The following TAF4 variants were observed in gnomAD, a reference collection of about 807,000 sequenced individuals.
The protein encoded by TAF4 is transcription initiation factor TFIID subunit 4.
In TAF4, 9 loss-of-function variants were observed where a neutral mutation model predicts 90.3. The ratio of observed to expected loss-of-function variants is 0.10; its 90% CI spans 0.06 to 0.17. The LOEUF (loss-of-function observed/expected upper bound fraction) is 0.17, where lower values mean the gene tolerates loss of function less well. TAF4 is among the 10% of genes least tolerant of loss of function. TAF4 has a pLI of 1.00. For synonymous variants in TAF4, 818 were observed against 638.9 expected (o/e 1.28, Z -4.23); for missense variants, 1,351 against 1,370.7 (o/e 0.99, Z 0.23).
At chr20:62,038,782 G>A (rs2055947896) in intron 1 of TAF4, among the ~76,000 whole-genome samples, 1 of 152,204 alleles carries the variant, frequency 6.6e-6, no homozygotes, top group Non-Finnish European at 1.5e-5. Context: ...GCCAGGCCCA[G>A]TGGCTCACAC....
chr20:62,045,196 G>A (rs958473567), intron 1 of TAF4, among the ~76,000 whole-genome samples: 23 of 152,296 alleles, frequency 1.5e-4, no homozygotes, highest in African/African-American at 5.5e-4. Context: ...GAATCCCATC[G>A]GGATGCTCCC....
At chr20:62,034,285 T>A (rs2055920281) in intron 1 of TAF4, among the ~76,000 whole-genome samples, 1 of 152,224 alleles carries the variant, frequency 6.6e-6, no homozygotes, top group South Asian at 2.1e-4. Flanking sequence ...AAAATTCAAC[T>A]GCGATTCAAC....
chr20:62,063,652 G>A (rs2056103039), intron 1 of TAF4, among the ~76,000 whole-genome samples: 1 of 152,202 alleles, frequency 6.6e-6, no homozygotes, highest in South Asian at 2.1e-4. Context: ...GAGAACATCT[G>A]CTGCCACCGC....
At chr20:61,988,796 G>A (rs971358759) in intron 14 of TAF4, among the ~76,000 whole-genome samples, 2 of 152,102 alleles carry the variant, frequency 1.3e-5, no homozygotes, top group Non-Finnish European at 2.9e-5. Context: ...CTCCAGGTCC[G>A]GCGTTCTCGA....
chr20:62,033,629 C>T (rs1318320677), intron 1 of TAF4, among the ~76,000 whole-genome samples: 1 of 151,424 alleles, frequency 6.6e-6, no homozygotes, highest in East Asian at 1.9e-4. Context: ...CCCAGCTACT[C>T]GGGAGGCTGA....
In TAF4 at chr20:62,064,693, A is replaced by ATGCTGGCCGCCG. The variant is rs948510646; in HGVS notation, c.1106_1117dup (p.Thr369_Ser372dup). On this transcript the variant is annotated inframe_insertion, in exon 1 of 15. Coordinates refer to ENST00000252996, the MANE Select transcript of TAF4 (RefSeq NM_003185.4). The stretch of plus-strand genomic sequence containing the variant: ...CCCTTGCATAGTTGGCCCGATGACC[A>ATGCTGGCCGCCG]TGCTGGCCGCCGTGCTGGCCGGGCC... 8.0e-7 allele frequency: 1 copy of ATGCTGGCCGCCG among 1,254,964 alleles called. No homozygotes were observed. The highest frequency in any genetic ancestry group is 1.6e-5 in the African/African-American group (1 of 62,064). 77.7% of individuals were successfully genotyped at this position (1,254,964 alleles called of 1,614,324 possible).
At chr20:61,997,412 A>C in intron 14 of TAF4, 138 bp downstream of exon 14, 1 of 1,130,896 alleles carries the variant, frequency 8.8e-7, no homozygotes, top group Non-Finnish European at 1.2e-6. Context: ...CGTAAAACAA[A>C]TACTCCAGAA....
chr20:62,062,002 C>T (rs769693744), intron 1 of TAF4, among the ~76,000 whole-genome samples: 1 of 152,196 alleles, frequency 6.6e-6, no homozygotes, highest in African/African-American at 2.4e-5. Flanking sequence ...CACCCAAGAC[C>T]TCCACGGAGG....
At chr20:61,978,788 A>T (rs558107946) in intron 14 of TAF4, 1 of 153,800 alleles carries the variant, frequency 6.5e-6, no homozygotes, top group Non-Finnish European at 1.5e-5. Context: ...ACGCTGAGAA[A>T]CTGATGCCAG....
rs1201423114 is a variant in TAF4 at position 61,982,375 on chromosome 20, C to A, written c.3091-6040G>T. On this transcript the variant is annotated intron_variant, in intron 14 of 14. Coordinates refer to ENST00000252996, the MANE Select transcript of TAF4 (RefSeq NM_003185.4). ...GAGGAGACACCAAACCCATACCCAC[C>A]CGGAAGAGACACCAAAACCCACACA... Among the ~76,000 whole-genome samples, 3 of 66,054 alleles carry A rather than the reference C, an allele frequency of 4.5e-5. 1 individual carries two copies. The highest frequency in any genetic ancestry group is 3.8e-4 in the Admixed American group (3 of 7,882). 43.3% of individuals were successfully genotyped at this position (66,054 alleles called of 152,430 possible). A position where few individuals can be genotyped will look rare whatever the true frequency, so the allele number is the denominator to read the frequency against.
rs973236110 is a variant in TAF4 at position 62,010,766 on chromosome 20, T to A, written c.1642-601A>T. On this transcript the variant is annotated intron_variant, in intron 3 of 14. Transcript: ENST00000252996. The surrounding 1 kb of genome is among the most constrained non-coding windows in gnomAD (Gnocchi z 4.5). ...CGAGCAATGGAGGATGGGTCATCAG[T>A]GTCAAACTGTCAGAAAGGAGGGGCT... is the stretch of plus-strand genomic sequence containing the variant. Among the ~76,000 whole-genome samples the A allele has an allele frequency of 6.6e-6, 1 of 152,138 alleles. No individual in the cohort carries two copies. The highest frequency in any genetic ancestry group is 2.4e-5 in the African/African-American group (1 of 41,434).
intron 1 of TAF4, among the ~76,000 whole-genome samples, chr20:62,053,106 C>T (rs1431942925): frequency 6.6e-6 from 1 of 152,184 alleles, no homozygotes. Context: ...CATCCCCAAG[C>T]CCAGCCTTCG....
intron 14 of TAF4, among the ~76,000 whole-genome samples, chr20:61,981,984 C>A (rs1204664573): frequency 1.3e-5 from 2 of 148,856 alleles, no homozygotes; most frequent in Admixed American, 6.6e-5. Flanking sequence ...CCACACCCAC[C>A]CGAGAGGAGA....
intron 1 of TAF4, among the ~76,000 whole-genome samples, chr20:62,015,385 C>CA (rs1346865368): frequency 6.6e-6 from 1 of 152,180 alleles, no homozygotes; most frequent in African/African-American, 2.4e-5. Flanking sequence ...ATGTTAGCTT[C>CA]AAAAAACAGC....
In TAF4 at chr20:61,982,652, G is replaced by T. The variant is rs200860296; in HGVS notation, c.3091-6317C>A. Among the ~76,000 whole-genome samples, 5 of 94,584 alleles carry T rather than the reference G, an allele frequency of 5.3e-5. No individual in the cohort carries two copies. The Admixed American group carries it at 5.7e-4, about 11-fold the overall frequency. 62.1% of individuals were successfully genotyped at this position (94,584 alleles called of 152,430 possible). A position where few individuals can be genotyped will look rare whatever the true frequency, so the allele number is the denominator to read the frequency against. ...GGAGACACCAAACCCACACCCACCC[G>T]AGAGGAGACACCAAACCCACACCCC... is the stretch of plus-strand genomic sequence containing the variant. On this transcript the variant is annotated intron_variant, in intron 14 of 14. Coordinates refer to ENST00000252996, the MANE Select transcript of TAF4 (RefSeq NM_003185.4).
In TAF4 at chr20:62,003,795, C is replaced by T. The variant is rs1242840822; in HGVS notation, c.2307G>A (p.Arg769=). 7 of 1,609,074 alleles carry T rather than the reference C, an allele frequency of 4.4e-6. No individual in the cohort carries two copies. In the South Asian group the frequency reaches 4.4e-5, roughly 10 times the overall value. Residue 769 remains arginine, a synonymous_variant, in exon 8 of 15, where the codon CGG becomes CGA. Coordinates refer to ENST00000252996, the MANE Select transcript of TAF4 (RefSeq NM_003185.4). ...TLTQTPMVAL[R]QPHNRIMLTT... is the part of the protein sequence containing the mutation. ...TGAGCATGATCCGGTTGTGAGGCTG[C>T]CGCAGGGCGACCATGGGTGTCTGCG...
At chr20:62,018,967 G>A (rs561293307) in intron 1 of TAF4, among the ~76,000 whole-genome samples, 3 of 148,798 alleles carry the variant, frequency 2.0e-5, no homozygotes, top group South Asian at 2.1e-4. Context: ...CGCCTCCCCC[G>A]CAACCTCCCC....
chr20:62,055,438 G>C (rs1600864938), intron 1 of TAF4, among the ~76,000 whole-genome samples: 1 of 152,266 alleles, frequency 6.6e-6, no homozygotes, highest in South Asian at 2.1e-4. Context: ...ACTGTGTGCA[G>C]GCAGCCCTGC....
intron 14 of TAF4, among the ~76,000 whole-genome samples, chr20:61,989,005 G>C (rs1271885128): frequency 6.6e-6 from 1 of 152,108 alleles, no homozygotes; most frequent in Non-Finnish European, 1.5e-5. Context: ...TGGTTACACG[G>C]AAGAAAAAAA....
Sources: allele counts gnomAD v4.1 joint callset (sites outside exome capture counted in the v4.1 genomes callset), GRCh38; gene constraint gnomAD v4.1.1; non-coding constraint Gnocchi (gnomAD v3.1); transcripts MANE v1.5; gene names NCBI Gene and HGNC (gene_info 2026-07-23, HGNC 2026-07-21).